The following ATP6V0E1 variants were observed in gnomAD, a reference collection of about 807,000 sequenced individuals.
ATP6V0E1 encodes V-type proton ATPase subunit e 1.
In ATP6V0E1, 4 loss-of-function variants were observed where a neutral mutation model predicts 11.6. That is an observed-to-expected ratio of 0.35 (90% confidence interval 0.17 to 0.79). The LOEUF is 0.79. Among genes scored for constraint, ATP6V0E1 ranks in the 30% least tolerant of loss-of-function variants. The pLI is 0.54. For missense variants in ATP6V0E1, 105 were observed against 100.0 expected, an observed-to-expected ratio of 1.05 and a Z score of -0.21; for synonymous variants, 36 against 34.8, an observed-to-expected ratio of 1.04 and a Z score of -0.13.
At chr5:173,021,562 A>G (rs1030921739) in intron 3 of ATP6V0E1, among the ~76,000 whole-genome samples, 2 of 152,086 alleles carry the variant, frequency 1.3e-5, no homozygotes, top group East Asian at 1.9e-4. Context: ...GAAATTATGG[A>G]AGCTACAATT....
At chr5:172,987,652 T>C (rs1214148751) in intron 1 of ATP6V0E1, among the ~76,000 whole-genome samples, 1 of 152,188 alleles carries the variant, frequency 6.6e-6, no homozygotes, top group African/African-American at 2.4e-5. Flanking sequence ...TTGTACATTG[T>C]ACATGTAAGA....
intron 3 of ATP6V0E1, chr5:173,021,039 C>T (rs968344312): frequency 1.7e-5 from 7 of 417,382 alleles, no homozygotes; most frequent in African/African-American, 4.1e-5. Flanking sequence ...ATATTTGGCT[C>T]GCAGTTCTGC....
chr5:173,008,548 C>G (rs1561771667), intron 2 of ATP6V0E1, among the ~76,000 whole-genome samples: 3 of 149,500 alleles, frequency 2.0e-5, no homozygotes, highest in African/African-American at 2.4e-5. Flanking sequence ...ATCTGCCCAC[C>G]TTGGCTTCCC....
rs748361181 is a variant in ATP6V0E1, at chr5:173,020,347, C to G, written c.*16C>G. ...TTGGCCTTGAGGAAGAAGACATGCT[C>G]TACAGTGCTCAGTCTTTGAGGTGAC... On this transcript the variant is annotated 3_prime_UTR_variant, in exon 3 of 4. Coordinates refer to ENST00000519374, the MANE Select transcript of ATP6V0E1 (RefSeq NM_003945.4). The G allele has an allele frequency of 7.0e-6, 11 of 1,575,738 alleles. No individual in the cohort carries two copies. Among genetic ancestry groups the G allele is most frequent in the Non-Finnish European group, 8.7e-6 (10 of 1,145,168 alleles).
intron 2 of ATP6V0E1, among the ~76,000 whole-genome samples, chr5:172,997,433 G>A (rs1258831897): frequency 6.6e-6 from 1 of 152,128 alleles, no homozygotes; most frequent in Non-Finnish European, 1.5e-5. Flanking sequence ...AGTAAGCAAG[G>A]AAATTCAGTC....
At chr5:172,984,741 C>T (rs1053383483) in intron 1 of ATP6V0E1, among the ~76,000 whole-genome samples, 40 of 152,170 alleles carry the variant, frequency 2.6e-4, no homozygotes, top group Non-Finnish European at 2.9e-5. Context: ...CTTCCTGGTT[C>T]CTCTTTTGCT....
At chr5:172,994,943 T>C in intron 2 of ATP6V0E1, 121 bp downstream of exon 2, 2 of 739,638 alleles carry the variant, frequency 2.7e-6, no homozygotes, top group African/African-American at 1.8e-5. Context: ...AAATTGAAAA[T>C]ATCACACTTT....
At chr5:172,990,004 T>TA (rs940239357) in intron 1 of ATP6V0E1, among the ~76,000 whole-genome samples, 53 of 149,566 alleles carry the variant, frequency 3.5e-4, no homozygotes, top group Non-Finnish European at 2.1e-4. Context: ...CCCAACCAAT[T>TA]AAAAAAAAAA....
chr5:173,033,788 G>A (rs984719323), intron 3 of ATP6V0E1, among the ~76,000 whole-genome samples: 3 of 152,044 alleles, frequency 2.0e-5, no homozygotes, highest in Non-Finnish European at 4.4e-5. Context: ...AGACTGCAGT[G>A]AGCCGAGATC....
chr5:173,020,326 C>T lies in ATP6V0E1; in HGVS notation c.241C>T (p.Pro81Ser), dbSNP rs745678186. The T allele has an allele frequency of 4.3e-6, 7 of 1,609,990 alleles. No individual in the cohort carries two copies. Among genetic ancestry groups the T allele is most frequent in the Admixed American group, 3.3e-5 (2 of 60,010 alleles). Residue 81 changes from proline (P) to serine (S), a missense_variant, in exon 3 of 4, where the codon CCT becomes TCT. Physicochemically the swap from Pro to Ser is moderately conservative, Grantham distance 74. Coordinates refer to ENST00000519374, the MANE Select transcript of ATP6V0E1 (RefSeq NM_003945.4). Reference protein sequence around the residue: ...ETIWYLKYHWP With the variant: ...ETIWYLKYHWS ...CATCTGGTATCTGAAGTATCATTGG[C>T]CTTGAGGAAGAAGACATGCTCTACA...
chr5:173,002,222 A>G (rs2113590690), intron 2 of ATP6V0E1, among the ~76,000 whole-genome samples: 1 of 152,368 alleles, frequency 6.6e-6, no homozygotes, highest in African/African-American at 2.4e-5. Context: ...CAATACCATT[A>G]TGCACAAAAA....
intron 3 of ATP6V0E1, 91 bp from the exon 4 acceptor site, chr5:173,034,308 A>AGT: frequency 1.4e-6 from 1 of 690,706 alleles, no homozygotes; most frequent in South Asian, 1.5e-5. Context: ...TGCATTTTAA[A>AGT]GTGTTGGCTT....
At chr5:173,030,657 T>C (rs1440756896) in intron 3 of ATP6V0E1, among the ~76,000 whole-genome samples, 1 of 151,906 alleles carries the variant, frequency 6.6e-6, no homozygotes, top group East Asian at 1.9e-4. Context: ...GCCAGGCTGG[T>C]CTTGAACTCC....
At chr5:173,011,580 G>A (rs1756326825) in intron 2 of ATP6V0E1, among the ~76,000 whole-genome samples, 1 of 152,136 alleles carries the variant, frequency 6.6e-6, no homozygotes, top group Non-Finnish European at 1.5e-5. Flanking sequence ...CTAATTTGCT[G>A]TGGGGTATTA....
intron 2 of ATP6V0E1, among the ~76,000 whole-genome samples, chr5:173,015,956 G>C (rs529941656): frequency 6.6e-6 from 1 of 152,144 alleles, no homozygotes; most frequent in East Asian, 1.9e-4. Context: ...GAACTCCTGG[G>C]CTCAAGTGAT....
intron 2 of ATP6V0E1, among the ~76,000 whole-genome samples, chr5:173,007,992 A>G (rs1396394755): frequency 6.6e-6 from 1 of 152,210 alleles, no homozygotes; most frequent in Non-Finnish European, 1.5e-5. Context: ...GGCCAAGGCT[A>G]CAAGATCAAA....
intron 3 of ATP6V0E1, 72 bp downstream of exon 3, chr5:173,020,439 T>A: frequency 3.4e-6 from 3 of 889,390 alleles, no homozygotes; most frequent in Non-Finnish European, 5.3e-6. Context: ...TTTCTCACAT[T>A]TTATGGCCAT....
At chr5:173,030,795 C>T (rs970794905) in intron 3 of ATP6V0E1, among the ~76,000 whole-genome samples, 15 of 151,986 alleles carry the variant, frequency 9.9e-5, no homozygotes, top group Non-Finnish European at 2.2e-4. Context: ...GTCACCCAGA[C>T]TGGAGTGCAG....
intron 2 of ATP6V0E1, among the ~76,000 whole-genome samples, chr5:172,995,783 T>A (rs1756056366): frequency 6.6e-6 from 1 of 152,108 alleles, no homozygotes; most frequent in Non-Finnish European, 1.5e-5. Context: ...CTCAGCTAAC[T>A]TTTTTATTTT....
Sources: gnomAD v4.1 joint callset for allele counts (sites outside exome capture counted in the v4.1 genomes callset) on GRCh38, gnomAD v4.1.1 for gene constraint, MANE v1.5 for transcripts, NCBI Gene and HGNC (gene_info 2026-07-23, HGNC 2026-07-21) for gene names.